Variants in KDM7A observed in about 807,000 individuals in gnomAD.
KDM7A encodes lysine-specific demethylase 7A.
In KDM7A, 28 loss-of-function variants were observed where a neutral mutation model predicts 114.8. The observed-to-expected ratio is 0.24, with a 90% CI of 0.18 to 0.33. The LOEUF (loss-of-function observed/expected upper bound fraction) is 0.33, where lower values mean the gene tolerates loss of function less well. Among genes scored for constraint, KDM7A ranks in the 10% least tolerant of loss-of-function variants. The probability of loss-of-function intolerance (pLI) is 1.00; values close to 1 mark genes in which losing one functional copy is unlikely to be tolerated. For synonymous variants in KDM7A, 423 were observed against 397.8 expected (o/e 1.06, Z -0.75); for missense variants, 942 against 1,142.5 (o/e 0.82, Z 2.53).
In KDM7A at chr7:140,088,873, A is replaced by G. The variant is rs1352530223; in HGVS notation, c.*2221T>C. 2 of 182,426 alleles carry G rather than the reference A, an allele frequency of 1.1e-5. No homozygotes were observed. Among genetic ancestry groups the G allele is most frequent in the Non-Finnish European group, 2.3e-5 (2 of 88,824 alleles). 11.3% of individuals were successfully genotyped at this position (182,426 alleles called of 1,614,324 possible). A position where few individuals can be genotyped will look rare whatever the true frequency, so the allele number is the denominator to read the frequency against. On this transcript the variant is annotated 3_prime_UTR_variant, in exon 20 of 20. Transcript: ENST00000397560. ...TAAAAATAAATTAAATTTCATTTTA[A>G]TTCATAAAAATAAAGTTTAATTTTA...
At chr7:140,134,989 G>A (rs1818843433) in intron 2 of KDM7A, among the ~76,000 whole-genome samples, 1 of 149,356 alleles carries the variant, frequency 6.7e-6, no homozygotes, top group South Asian at 2.1e-4. Flanking sequence ...AGATTCCCAA[G>A]TAACTTATGG....
rs559951508 is a variant in KDM7A, at chr7:140,176,241, G to A, written c.194+503C>T. Among the ~76,000 whole-genome samples, 315 of 151,678 alleles carry A rather than the reference G, an allele frequency of 2.1e-3. 4 individuals are homozygous for A. The highest frequency in any genetic ancestry group is 5.3e-3 in the Admixed American group (81 of 15,260). ...CGCGACAGGGACCCGCGGCGCGGAG[G>A]AGACGCGGGGCCGGGGCGACCCCAT... On this transcript the variant is annotated intron_variant, in intron 1 of 19. Transcript: ENST00000397560. The surrounding 1 kb of genome is among the most constrained non-coding windows in gnomAD (Gnocchi z 4.4).
chr7:140,136,285 A>C (rs1347913008), intron 2 of KDM7A, among the ~76,000 whole-genome samples: 2 of 152,238 alleles, frequency 1.3e-5, no homozygotes, highest in East Asian at 3.8e-4. Context: ...CTTACCTACT[A>C]TAGTGCCTAC....
chr7:140,168,383 T>A (rs1169027462), intron 1 of KDM7A, among the ~76,000 whole-genome samples: 2 of 152,022 alleles, frequency 1.3e-5, no homozygotes, highest in Non-Finnish European at 2.9e-5. Context: ...CTGACCAACA[T>A]GGTGAAACTC....
chr7:140,163,564 G>A (rs1794543044), intron 1 of KDM7A, among the ~76,000 whole-genome samples: 1 of 152,074 alleles, frequency 6.6e-6, no homozygotes, highest in Admixed American at 6.6e-5. Context: ...TTACAGGTGT[G>A]AGCCACAGTG....
At chr7:140,147,837 T>C (rs944503643) in intron 1 of KDM7A, among the ~76,000 whole-genome samples, 3 of 152,198 alleles carry the variant, frequency 2.0e-5, no homozygotes, top group African/African-American at 7.2e-5. Flanking sequence ...TTCAATGGGA[T>C]GCATAGATTG....
chr7:140,125,488 C>T (rs12533357), intron 6 of KDM7A, among the ~76,000 whole-genome samples: 29,752 of 152,210 alleles, frequency 0.2, 3,565 homozygotes, highest in East Asian at 0.3. Context: ...TAAATTTAGT[C>T]ACACATGGCT....
At chr7:140,167,417 G>A (rs932427174) in intron 1 of KDM7A, among the ~76,000 whole-genome samples, 15 of 152,050 alleles carry the variant, frequency 9.9e-5, no homozygotes, top group Admixed American at 2.0e-4. Context: ...TCAACCAGTG[G>A]AATAAAACAG....
chr7:140,174,712 T>C (rs1230948500), intron 1 of KDM7A, among the ~76,000 whole-genome samples: 1 of 152,192 alleles, frequency 6.6e-6, no homozygotes, highest in Non-Finnish European at 1.5e-5. Context: ...AAGATTCTCC[T>C]GCCTCAGCCT....
chr7:140,109,496 T>C (rs1818398797), intron 11 of KDM7A, among the ~76,000 whole-genome samples: 1 of 152,192 alleles, frequency 6.6e-6, no homozygotes, highest in Non-Finnish European at 1.5e-5. Flanking sequence ...GACACCTGGG[T>C]TGCTTGGTCT....
rs1817925459 is a variant in KDM7A, at chr7:140,086,481, A to C, written c.*4613T>G. 2 of 152,220 alleles carry C rather than the reference A, an allele frequency of 1.3e-5. No homozygotes were observed. The highest frequency in any genetic ancestry group is 4.8e-5 in the African/African-American group (2 of 41,450). 9.4% of individuals were successfully genotyped at this position (152,220 alleles called of 1,614,324 possible). The stretch of plus-strand genomic sequence containing the variant: ...AGACATTTGCTTCCTAATGACCTTA[A>C]TTTTTAAAATTTATGTTAAGGATAT... On this transcript the variant is annotated 3_prime_UTR_variant, in exon 20 of 20. Transcript: ENST00000397560.
At chr7:140,128,252 T>C (rs1436949181) in intron 4 of KDM7A, among the ~76,000 whole-genome samples, 1 of 152,236 alleles carries the variant, frequency 6.6e-6, no homozygotes, top group Non-Finnish European at 1.5e-5. Context: ...ACCACTGCAC[T>C]GCTACACTAG....
rs767839225 is a variant in KDM7A at position 140,099,879 on chromosome 7, C to A, written c.1763+20G>T. The stretch of plus-strand genomic sequence containing the variant: ...CCAATGAAAATTAATCTATTTGATA[C>A]TCTGATTTACTTTACATACTTAATT... On this transcript the variant is annotated intron_variant, in intron 13 of 19. Transcript: ENST00000397560. 14 of 1,601,588 alleles carry A rather than the reference C, an allele frequency of 8.7e-6. No homozygotes were observed. Among genetic ancestry groups the A allele is most frequent in the Non-Finnish European group, 1.1e-5 (13 of 1,168,636 alleles).
Position 140,176,771 on chromosome 7 carries a change from T to C in KDM7A, c.167A>G (p.Asp56Gly). Residue 56 changes from aspartate to glycine, a missense_variant, in exon 1 of 20, where the codon GAT (aspartate) becomes GGT (glycine). Around this residue, in one of 4 missense-constraint regions of KDM7A, gnomAD observed 112 missense variants for 96.2 expected, o/e 1.16. Transcript: ENST00000397560. The surrounding 1 kb of genome is among the most constrained non-coding windows in gnomAD (Gnocchi z 4.4). ...YDVNRFMIEC[D>G]ICKDWFHGSC... ...GCCGTGGAACCAGTCCTTGCAGATA[T>C]CGCACTCGATCATGAAGCGGTTCAC... 1.4e-6 allele frequency: 2 copies of C among 1,410,254 alleles called. No individual in the cohort carries two copies. Among genetic ancestry groups the C allele is most frequent in the Non-Finnish European group, 1.9e-6 (2 of 1,059,340 alleles). 87.4% of individuals were successfully genotyped at this position (1,410,254 alleles called of 1,614,324 possible). A position where few individuals can be genotyped will look rare whatever the true frequency, so the allele number is the denominator to read the frequency against.
intron 16 of KDM7A, 65 bp from the exon 17 acceptor site, chr7:140,096,828 T>TA: frequency 6.3e-7 from 1 of 1,589,524 alleles, no homozygotes. Context: ...TGGTAAAATT[T>TA]AAAACTAAAA....
Position 140,176,877 on chromosome 7 carries a change from C to T in KDM7A, c.61G>A (p.Val21Met), listed in dbSNP as rs1199355677. ...GAAAGAAAAA[V>M]SVAAPGRASA... ...GCCCGGCCGGGAGCCGCCACCGACA[C>T]GGCTGCCGCGGCGGCTCCAGCTGCT... The change falls in exon 1 of 20, where the codon GTG becomes ATG. Residue 21 changes from valine to methionine, a missense_variant. Physicochemically the swap from Val to Met is conservative, Grantham distance 21 (BLOSUM62 1). This residue lies in a region of KDM7A where 112 missense variants were observed against 96.2 expected (regional missense o/e 1.16). Transcript: ENST00000397560. This position sits in a 1 kb window ranked among gnomAD's most constrained non-coding sequence, Gnocchi z 4.4. 1 of 1,214,596 alleles carries T rather than the reference C, an allele frequency of 8.2e-7. No homozygotes were observed. 75.2% of individuals were successfully genotyped at this position (1,214,596 alleles called of 1,614,324 possible).
At chr7:140,122,056 G>A (rs1421728079) in intron 7 of KDM7A, among the ~76,000 whole-genome samples, 1 of 152,090 alleles carries the variant, frequency 6.6e-6, no homozygotes, top group East Asian at 1.9e-4. Context: ...TCCGAACCTT[G>A]GCCATGACGT....
chr7:140,138,443 T>C (rs1818904103), intron 2 of KDM7A, among the ~76,000 whole-genome samples: 1 of 152,138 alleles, frequency 6.6e-6, no homozygotes, highest in Non-Finnish European at 1.5e-5. Context: ...AAAATAGATA[T>C]CATATTAGGT....
chr7:140,133,674 TA>T lies in KDM7A; in HGVS notation c.281-19del, dbSNP rs531912145. 9.8e-4 allele frequency: 1,351 copies of T among 1,374,858 alleles called. 1 individual carries two copies. Among genetic ancestry groups the T allele is most frequent in the South Asian group, 1.3e-3 (106 of 82,046 alleles). 85.2% of individuals were successfully genotyped at this position (1,374,858 alleles called of 1,614,324 possible). A position where few individuals can be genotyped will look rare whatever the true frequency, so the allele number is the denominator to read the frequency against. On this transcript the variant is annotated intron_variant, in intron 2 of 19. Coordinates refer to ENST00000397560, the MANE Select transcript of KDM7A (RefSeq NM_030647.2). ...TTTTTTCACTGGATTTTTAAAAGAT[TA>T]AAAAAAAATGATTTTGGTAACTGGT...
Sources: gnomAD v4.1 joint callset for allele counts (sites outside exome capture counted in the v4.1 genomes callset) on GRCh38, gnomAD v4.1.1 for gene constraint, gnomAD v4.1.1 regional missense constraint, Gnocchi (gnomAD v3.1) non-coding constraint, MANE v1.5 for transcripts, NCBI Gene and HGNC (gene_info 2026-07-23, HGNC 2026-07-21) for gene names.